Variants in OR51B5 observed in about 807,000 individuals in gnomAD.
OR51B5 encodes olfactory receptor 51B5.
For synonymous variants in OR51B5, 186 were observed against 144.8 expected (o/e 1.28, Z -2.04); for missense variants, 456 against 374.6 (o/e 1.22, Z -1.79).
At chr11:5,348,702 G>A (rs549825508) in intron 1 of OR51B5, among the ~76,000 whole-genome samples, 1 of 152,026 alleles carries the variant, frequency 6.6e-6, no homozygotes, top group African/African-American at 2.4e-5. Flanking sequence ...CAGCTGATTA[G>A]ATAGTACCCA....
intron 1 of OR51B5, among the ~76,000 whole-genome samples, chr11:5,404,176 G>C (rs1014249323): frequency 6.9e-6 from 1 of 144,280 alleles, no homozygotes; most frequent in Admixed American, 6.8e-5. Flanking sequence ...GGGCGGGGAG[G>C]GCGGGGGGCG....
In OR51B5 at chr11:5,356,003, T is replaced by G. The variant is rs368288696; in HGVS notation, n.85-9093A>C. Among the ~76,000 whole-genome samples, 31 of 143,090 alleles carry G rather than the reference T, an allele frequency of 2.2e-4. 1 individual carries two copies. The East Asian group carries it at 4.1e-3, about 19-fold the overall frequency. 93.9% of individuals were successfully genotyped at this position (143,090 alleles called of 152,430 possible). On this transcript the variant is annotated intron_variant and non_coding_transcript_variant, in intron 1 of 4. Transcript: ENST00000415970. ...CGTCACCATCATCAAAGACCAAAGG[T>G]AGATAAAACCACAAAGATGGGGAAA... is the stretch of plus-strand genomic sequence containing the variant.
intron 1 of OR51B5, among the ~76,000 whole-genome samples, chr11:5,385,179 T>A (rs1213363929): frequency 7.9e-5 from 12 of 152,220 alleles, no homozygotes. Context: ...TAGATGTAAC[T>A]GACTGCTCTG....
chr11:5,347,203 T>C (rs1849006479), upstream of OR51B5, among the ~76,000 whole-genome samples: 1 of 152,198 alleles, frequency 6.6e-6, no homozygotes, highest in Non-Finnish European at 1.5e-5. Flanking sequence ...ATTTATTCCC[T>C]ACATTTACTT....
At chr11:5,500,981 T>C (rs1464892976) in intron 1 of OR51B5, among the ~76,000 whole-genome samples, 3 of 148,358 alleles carry the variant, frequency 2.0e-5, no homozygotes, top group African/African-American at 7.3e-5. Context: ...TGACCCTTGA[T>C]TGGCAAACTT....
At chr11:5,418,995 G>A (rs1044070993) in intron 1 of OR51B5, among the ~76,000 whole-genome samples, 1 of 151,932 alleles carries the variant, frequency 6.6e-6, no homozygotes, top group Admixed American at 6.6e-5. Context: ...CTTGAGGCAT[G>A]TGCTCATTTT....
intron 1 of OR51B5, among the ~76,000 whole-genome samples, chr11:5,370,287 T>A (rs12808928): frequency 1.3e-5 from 2 of 151,998 alleles, no homozygotes; most frequent in African/African-American, 4.8e-5. Context: ...TAAGTGACGA[T>A]AGTATCTTTT....
intron 1 of OR51B5, among the ~76,000 whole-genome samples, chr11:5,372,997 A>G (rs1444594362): frequency 6.6e-6 from 1 of 152,222 alleles, no homozygotes; most frequent in Non-Finnish European, 1.5e-5. Flanking sequence ...TGAACAGAAT[A>G]AAGAGCCCAG....
chr11:5,402,647 G>T (rs1424300103), intron 1 of OR51B5: 2 of 471,234 alleles, frequency 4.2e-6, no homozygotes, highest in East Asian at 7.0e-5. Flanking sequence ...CTTTCATTTT[G>T]GTTGGCATCC....
At chr11:5,445,068 C>T (rs757344029) in intron 1 of OR51B5, among the ~76,000 whole-genome samples, 1 of 152,114 alleles carries the variant, frequency 6.6e-6, no homozygotes, top group Non-Finnish European at 1.5e-5. Context: ...TATACTCAGG[C>T]AATTGCCCAG....
intron 1 of OR51B5, among the ~76,000 whole-genome samples, chr11:5,460,322 T>C (rs2133792994): frequency 6.6e-6 from 1 of 152,272 alleles, no homozygotes; most frequent in South Asian, 2.1e-4. Flanking sequence ...ACAAAATAAT[T>C]TGTAGAATAA....
intron 1 of OR51B5, among the ~76,000 whole-genome samples, chr11:5,372,185 A>G (rs1849457963): frequency 6.6e-6 from 1 of 152,158 alleles, no homozygotes; most frequent in Admixed American, 6.6e-5. Context: ...TACCACTTAG[A>G]TTGTTTCCAT....
downstream of OR51B5, chr11:5,340,743 A>C (rs1485422246): frequency 6.6e-6 from 1 of 152,228 alleles, no homozygotes; most frequent in Non-Finnish European, 1.5e-5. Context: ...AATTTGAATC[A>C]TGACTATACC....
intron 1 of OR51B5, among the ~76,000 whole-genome samples, chr11:5,396,178 C>T (rs1047544516): frequency 1.3e-5 from 2 of 152,230 alleles, no homozygotes; most frequent in African/African-American, 4.8e-5. Context: ...GATGCCCTCT[C>T]TCACCACTCC....
intron 1 of OR51B5, among the ~76,000 whole-genome samples, chr11:5,417,539 G>A (rs1177321994): frequency 6.7e-6 from 1 of 149,312 alleles, no homozygotes; most frequent in Non-Finnish European, 1.5e-5. Flanking sequence ...CTGACAAAGG[G>A]CTAATATCCA....
At chr11:5,459,926 T>C (rs1457813072) in intron 1 of OR51B5, among the ~76,000 whole-genome samples, 1 of 152,098 alleles carries the variant, frequency 6.6e-6, no homozygotes, top group Non-Finnish European at 1.5e-5. Context: ...AAAACACATG[T>C]GTATGTTCAC....
chr11:5,342,402 T>C (rs1215559631), downstream of OR51B5: 1 of 269,056 alleles, frequency 3.7e-6, no homozygotes, highest in East Asian at 1.8e-4. Context: ...AACAAAAATT[T>C]GTACAAACTA....
chr11:5,423,128 T>C, intron 1 of OR51B5: 1 of 1,600,182 alleles, frequency 6.2e-7, no homozygotes, highest in Non-Finnish European at 8.6e-7. Flanking sequence ...AAATTTCCTT[T>C]CCCTCAAAAA....
chr11:5,413,054 AC>A (rs1850175900), intron 1 of OR51B5, among the ~76,000 whole-genome samples: 1 of 152,088 alleles, frequency 6.6e-6, no homozygotes. Flanking sequence ...GCAGACTGAC[AC>A]CTCACACGGC....
Sources: allele counts gnomAD v4.1 joint callset (sites outside exome capture counted in the v4.1 genomes callset), GRCh38; gene constraint gnomAD v4.1.1; transcripts MANE v1.5; gene names NCBI Gene and HGNC (gene_info 2026-07-23, HGNC 2026-07-21).